The following CNTN5 variants were observed in gnomAD, a reference collection of about 807,000 sequenced individuals.
The protein encoded by CNTN5 is contactin-5.
A neutral mutation model predicts 129.1 loss-of-function variants in CNTN5; 77 were observed. The ratio of observed to expected loss-of-function variants is 0.60; its 90% confidence interval spans 0.50 to 0.72. CNTN5 has a LOEUF of 0.72. Ranked by LOEUF, CNTN5 falls within the 30% of genes least tolerant of loss-of-function variation. The pLI, the probability that CNTN5 is intolerant of heterozygous loss-of-function variation, is 0.00. For synonymous variants in CNTN5, 509 were observed against 465.6 expected (o/e 1.09, Z -1.20); for missense variants, 1,478 against 1,328.8 (o/e 1.11, Z -1.75).
At position 99,845,260 on chromosome 11, in the gene CNTN5, C is replaced by T. The variant is rs201449127; in HGVS notation, c.575C>T (p.Ala192Val). The T allele has an allele frequency of 5.5e-5, 88 of 1,602,424 alleles. No individual in the cohort carries two copies. The South Asian group carries it at 8.5e-4, about 15-fold the overall frequency. Residue 192 changes from alanine to valine, a missense_variant and splice_region_variant, in exon 6 of 25, where the codon GCC becomes GTC. Transcript: ENST00000524871. ...AGTAGAGAAGCTACACTGCAGTTTG[C>T]CTGTGAGTAAAATATATGATTTTTC... ...ILSREATLQF[A>V]YLGNFSGRTR...
chr11:99,754,454 A>C (rs1210858371), intron 3 of CNTN5, among the ~76,000 whole-genome samples: 1 of 152,010 alleles, frequency 6.6e-6, no homozygotes, highest in Non-Finnish European at 1.5e-5. Flanking sequence ...TTATTTGCTG[A>C]TTTTTCTCAA....
chr11:100,025,582 C>G (rs923339634), intron 9 of CNTN5, among the ~76,000 whole-genome samples: 1 of 152,200 alleles, frequency 6.6e-6, no homozygotes, highest in Non-Finnish European at 1.5e-5. Flanking sequence ...AATGCCAGCC[C>G]ATGAAAACAA....
intron 2 of CNTN5, among the ~76,000 whole-genome samples, chr11:99,450,045 A>G (rs920021683): frequency 4.6e-5 from 7 of 152,270 alleles, no homozygotes; most frequent in African/African-American, 1.7e-4. Context: ...CCAATATTAA[A>G]GTCAAATTAC....
At chr11:100,280,744 T>A (rs1224097382) in intron 18 of CNTN5, among the ~76,000 whole-genome samples, 1 of 152,146 alleles carries the variant, frequency 6.6e-6, no homozygotes. Context: ...GGTTGTTTTG[T>A]GGTCTATTCT....
intron 7 of CNTN5, among the ~76,000 whole-genome samples, chr11:99,956,390 G>T (rs1783154757): frequency 6.6e-6 from 1 of 152,052 alleles, no homozygotes; most frequent in African/African-American, 2.4e-5. Context: ...AAGTGTCCCT[G>T]TCTCACACCT....
intron 1 of CNTN5, among the ~76,000 whole-genome samples, chr11:99,191,637 A>C (rs1858648694): frequency 6.6e-6 from 1 of 151,874 alleles, no homozygotes; most frequent in Non-Finnish European, 1.5e-5. Context: ...TGACAATATG[A>C]AACTAGAAAT....
At chr11:99,630,531 C>T (rs1437499047) in intron 3 of CNTN5, among the ~76,000 whole-genome samples, 1 of 151,856 alleles carries the variant, frequency 6.6e-6, no homozygotes, top group African/African-American at 2.4e-5. Flanking sequence ...TGCCTCACCC[C>T]CCGTTTCACA....
intron 1 of CNTN5, among the ~76,000 whole-genome samples, chr11:99,197,164 G>A (rs1365984173): frequency 6.6e-6 from 1 of 151,756 alleles, no homozygotes; most frequent in African/African-American, 2.4e-5. Context: ...ACACCACAAA[G>A]TTCTTAACAC....
chr11:99,363,140 AT>A (rs1939227581), intron 2 of CNTN5, among the ~76,000 whole-genome samples: 1 of 152,028 alleles, frequency 6.6e-6, no homozygotes, highest in Non-Finnish European at 1.5e-5. Flanking sequence ...TTTTCTTCCA[AT>A]CCATGAACAC....
intron 2 of CNTN5, among the ~76,000 whole-genome samples, chr11:99,553,975 C>CACACACACACACACAT: frequency 8.2e-6 from 1 of 121,434 alleles, no homozygotes; most frequent in Non-Finnish European, 1.6e-5. Flanking sequence ...TACACACACA[C>CACACACACACACACAT]ACACACACAC....
chr11:99,477,297 ATAGTT>A (rs1418234262), intron 2 of CNTN5, among the ~76,000 whole-genome samples: 2 of 151,976 alleles, frequency 1.3e-5, no homozygotes, highest in African/African-American at 4.8e-5. Flanking sequence ...CATTTTCTGT[ATAGTT>A]ATTTTCTAAT....
chr11:100,224,646 A>G, intron 15 of CNTN5, 46 bp from the exon 16 acceptor site: 1 of 1,583,342 alleles, frequency 6.3e-7, no homozygotes, highest in South Asian at 1.1e-5. Context: ...ACCTTGAACT[A>G]GGCAGATTTG....
intron 3 of CNTN5, among the ~76,000 whole-genome samples, chr11:99,764,897 A>G (rs775224528): frequency 1.3e-5 from 2 of 152,018 alleles, no homozygotes; most frequent in Non-Finnish European, 2.9e-5. Flanking sequence ...TGTTTCCTAA[A>G]TTTTATTCAT....
chr11:99,139,568 T>C lies in CNTN5; in HGVS notation c.-210+118298T>C, dbSNP rs535942448. On this transcript the variant is annotated intron_variant, in intron 1 of 24. Coordinates refer to ENST00000524871, the MANE Select transcript of CNTN5 (RefSeq NM_014361.4). ...AGTTAAAGAGCATGTTAATAGCACT[T>C]ACAGGGTTAAATGGAACTGTTTTGA... is the stretch of plus-strand genomic sequence containing the variant. Among the ~76,000 whole-genome samples, 6 of 152,340 alleles carry C rather than the reference T, an allele frequency of 3.9e-5. No individual in the cohort carries two copies. The South Asian group carries it at 1.2e-3, about 32-fold the overall frequency.
chr11:99,586,315 T>A (rs964566744), intron 3 of CNTN5, among the ~76,000 whole-genome samples: 24 of 152,272 alleles, frequency 1.6e-4, no homozygotes, highest in African/African-American at 5.3e-4. Flanking sequence ...CTCAGCATAA[T>A]AACTGACATA....
intron 1 of CNTN5, among the ~76,000 whole-genome samples, chr11:99,098,165 T>C (rs562169748): frequency 6.6e-6 from 1 of 152,096 alleles, no homozygotes; most frequent in Non-Finnish European, 1.5e-5. Flanking sequence ...TTCTCATTCA[T>C]GGCTTCAATA....
At chr11:99,551,092 T>G (rs1948465367) in intron 2 of CNTN5, among the ~76,000 whole-genome samples, 1 of 152,154 alleles carries the variant, frequency 6.6e-6, no homozygotes, top group African/African-American at 2.4e-5. Context: ...TTTAGGCCAC[T>G]TTAAATAAAT....
intron 23 of CNTN5, among the ~76,000 whole-genome samples, chr11:100,343,504 C>G (rs1952211241): frequency 6.6e-6 from 1 of 152,090 alleles, no homozygotes; most frequent in Admixed American, 6.6e-5. Flanking sequence ...GGGCTTAACC[C>G]AGAGTTTGGA....
intron 3 of CNTN5, among the ~76,000 whole-genome samples, chr11:99,670,824 A>G (rs953189855): frequency 2.0e-5 from 3 of 151,954 alleles, no homozygotes; most frequent in Non-Finnish European, 2.9e-5. Flanking sequence ...CGCATTTTGA[A>G]CTCTCTGTGT....
Sources: gnomAD v4.1 joint callset for allele counts (sites outside exome capture counted in the v4.1 genomes callset) on GRCh38, gnomAD v4.1.1 for gene constraint, MANE v1.5 for transcripts, NCBI Gene and HGNC (gene_info 2026-07-23, HGNC 2026-07-21) for gene names.